Variants in AMMECR1 observed in about 807,000 individuals in gnomAD.
AMMECR1 encodes the protein AMMECR nuclear protein 1.
Under a neutral mutation model 22.5 loss-of-function variants are expected in AMMECR1, and 3 were observed. The ratio of observed to expected loss-of-function variants is 0.13; its 90% CI spans 0.06 to 0.35. The LOEUF (loss-of-function observed/expected upper bound fraction) is 0.35, where lower values mean the gene tolerates loss of function less well. Among genes scored for constraint, AMMECR1 ranks in the 10% least tolerant of loss-of-function variants. The pLI is 1.00. For synonymous variants in AMMECR1, 130 were observed against 116.7 expected (o/e 1.11, Z -0.74); for missense variants, 235 against 278.7 (o/e 0.84, Z 1.12).
At chrX:110,316,050 C>T (rs2068046352) in intron 1 of AMMECR1, among the ~76,000 whole-genome samples, 1 of 111,988 alleles carries the variant, frequency 8.9e-6, no homozygotes, top group Non-Finnish European at 1.9e-5. Context: ...ATTTATTTGA[C>T]GAAGTGTTCT....
At chrX:110,366,902 T>A (rs934431481) in intron 2 of AMMECR1, among the ~76,000 whole-genome samples, 3 of 112,043 alleles carry the variant, frequency 2.7e-5, no homozygotes, top group African/African-American at 6.5e-5. Flanking sequence ...GTGGCTTTTT[T>A]ACATCTTTCC....
chrX:110,432,966 A>G (rs748635496), intron 1 of AMMECR1, among the ~76,000 whole-genome samples: 13 of 112,730 alleles, frequency 1.2e-4, no homozygotes, highest in Non-Finnish European at 2.4e-4. Flanking sequence ...AGGCTAACCC[A>G]GACAGTCAGT....
intron 2 of AMMECR1, among the ~76,000 whole-genome samples, chrX:110,326,981 T>C (rs1281228079): frequency 1.8e-5 from 2 of 112,072 alleles, no homozygotes; most frequent in Non-Finnish European, 3.8e-5. Flanking sequence ...TGATTATGAC[T>C]AGATTTCTGG....
At chrX:110,264,374 A>G in intron 2 of AMMECR1, 115 bp downstream of exon 2, 1 of 455,886 alleles carries the variant, frequency 2.2e-6, no homozygotes, top group Non-Finnish European at 3.9e-6. Flanking sequence ...AAAACCTGAC[A>G]TGAAGGAAGA....
At chrX:110,297,331 GAGGAT>G (rs1387820438) in intron 1 of AMMECR1, among the ~76,000 whole-genome samples, 1 of 111,131 alleles carries the variant, frequency 9.0e-6, no homozygotes. Flanking sequence ...CAAATGTCCC[GAGGAT>G]AGGGCTTTTC....
At chrX:110,281,029 AAAGT>A (rs745852835) in intron 1 of AMMECR1, among the ~76,000 whole-genome samples, 1 of 112,415 alleles carries the variant, frequency 8.9e-6, no homozygotes, top group Non-Finnish European at 1.9e-5. Flanking sequence ...TTCCAGAAAG[AAAGT>A]GCCACTAAAA....
At chrX:110,278,489 G>C (rs1239629099) in intron 1 of AMMECR1, among the ~76,000 whole-genome samples, 1 of 111,495 alleles carries the variant, frequency 9.0e-6, no homozygotes, top group African/African-American at 3.3e-5. Context: ...AGTGAAATAA[G>C]GATAATTGCT....
At chrX:110,388,829 T>A (rs2068475571) in intron 2 of AMMECR1, among the ~76,000 whole-genome samples, 1 of 111,877 alleles carries the variant, frequency 8.9e-6, no homozygotes, top group African/African-American at 3.3e-5. Context: ...ATTAGAGAAA[T>A]CTGAGCACAG....
At chrX:110,348,678 G>A (rs2068199994) in intron 2 of AMMECR1, among the ~76,000 whole-genome samples, 1 of 111,876 alleles carries the variant, frequency 8.9e-6, no homozygotes. Flanking sequence ...ATATACTGTC[G>A]AGTAAAATTA....
intron 2 of AMMECR1, among the ~76,000 whole-genome samples, chrX:110,343,035 A>C (rs1448880989): frequency 9.0e-6 from 1 of 111,536 alleles, no homozygotes; most frequent in Non-Finnish European, 1.9e-5. Context: ...CAGAGACACA[A>C]CAAAAAAAGA....
At chrX:110,410,850 C>T (rs946979407) in intron 2 of AMMECR1, among the ~76,000 whole-genome samples, 5 of 112,212 alleles carry the variant, frequency 4.5e-5, no homozygotes, top group African/African-American at 6.5e-5. Context: ...ATCATTTTGG[C>T]GCAATTCAAG....
At chrX:110,233,724 C>CA (rs1228573928) in intron 2 of AMMECR1, among the ~76,000 whole-genome samples, 1 of 112,100 alleles carries the variant, frequency 8.9e-6, no homozygotes, top group Non-Finnish European at 1.9e-5. Flanking sequence ...GAACCAATGA[C>CA]AAAAAACACG....
intron 2 of AMMECR1, among the ~76,000 whole-genome samples, chrX:110,365,343 C>T (rs1182192381): frequency 8.9e-6 from 1 of 112,159 alleles, no homozygotes; most frequent in East Asian, 2.8e-4. Flanking sequence ...TGAAATCAGG[C>T]TTCCATGACG....
At chrX:110,388,610 C>A (rs941740285) in intron 2 of AMMECR1, among the ~76,000 whole-genome samples, 1 of 112,199 alleles carries the variant, frequency 8.9e-6, no homozygotes, top group African/African-American at 3.2e-5. Context: ...GGTTCTCAGG[C>A]GTGAGGATGC....
chrX:110,360,957 C>T (rs2068259197), intron 2 of AMMECR1, among the ~76,000 whole-genome samples: 1 of 111,676 alleles, frequency 9.0e-6, no homozygotes, highest in Non-Finnish European at 1.9e-5. Flanking sequence ...CTTAGTGATG[C>T]TCCGATCTTC....
At chrX:110,255,213 A>G (rs959922294) in intron 2 of AMMECR1, among the ~76,000 whole-genome samples, 24 of 112,155 alleles carry the variant, frequency 2.1e-4, no homozygotes, top group African/African-American at 7.8e-4. Context: ...TGCTGAAATG[A>G]TGCTAAAACT....
At chrX:110,377,502 T>C (rs1415824399) in intron 2 of AMMECR1, among the ~76,000 whole-genome samples, 2 of 112,039 alleles carry the variant, frequency 1.8e-5, no homozygotes, top group Non-Finnish European at 3.8e-5. Flanking sequence ...AGCACTCCAA[T>C]CAAACTATTA....
chrX:110,339,788 G>A (rs1288697600), intron 2 of AMMECR1, among the ~76,000 whole-genome samples: 17 of 111,688 alleles, frequency 1.5e-4, no homozygotes, highest in Non-Finnish European at 2.3e-4. Context: ...GAGCCACCAC[G>A]CCTGGCCTGA....
chrX:110,256,365 C>T (rs758268742), intron 2 of AMMECR1, among the ~76,000 whole-genome samples: 6 of 111,868 alleles, frequency 5.4e-5, no homozygotes, highest in Non-Finnish European at 1.1e-4. Context: ...ATATTGTTTT[C>T]CATCTTTAGA....
Sources: allele counts gnomAD v4.1 joint callset (sites outside exome capture counted in the v4.1 genomes callset), GRCh38; gene constraint gnomAD v4.1.1; transcripts MANE v1.5; gene names NCBI Gene and HGNC (gene_info 2026-07-23, HGNC 2026-07-21).